Variants in COQ2 observed in about 807,000 individuals in gnomAD.
The protein encoded by COQ2 is coenzyme Q2, polyprenyltransferase.
Under a neutral mutation model 35.7 loss-of-function variants are expected in COQ2, and 25 were observed. That is an observed-to-expected ratio of 0.70 (90% confidence interval 0.51 to 0.98). COQ2 has a LOEUF of 0.98. COQ2 is among the 50% of genes least tolerant of loss of function. The pLI, the probability that COQ2 is intolerant of heterozygous loss-of-function variation, is 0.00. For missense variants in COQ2, 488 were observed against 473.5 expected, an observed-to-expected ratio of 1.03 and a Z score of -0.28; for synonymous variants, 206 against 186.2, an observed-to-expected ratio of 1.11 and a Z score of -0.86.
chr4:83,272,173 C>T lies in COQ2; in HGVS notation c.543-1G>A, dbSNP rs1440439792. The T allele has an allele frequency of 1.2e-6, 2 of 1,600,930 alleles. No homozygotes were observed. Among genetic ancestry groups the T allele is most frequent in the South Asian group, 2.3e-5 (2 of 88,770 alleles). On this transcript the variant is annotated splice_acceptor_variant, in intron 3 of 6. Transcript: ENST00000647002. LOFTEE classifies it high-confidence loss of function. ...TAAGGATCCTGCTCCCAGAGCTATA[C>T]TGAAAAGAGGAAAAACCATTAAAGT...
chr4:83,279,828 A>C (rs1430074206), intron 1 of COQ2, among the ~76,000 whole-genome samples: 1 of 147,388 alleles, frequency 6.8e-6, no homozygotes, highest in Non-Finnish European at 1.5e-5. Flanking sequence ...TTCCTTTACC[A>C]TTGTTAGTAC....
intron 5 of COQ2, among the ~76,000 whole-genome samples, 187 bp downstream of exon 5, chr4:83,269,673 A>AT (rs1296065265): frequency 1.3e-5 from 2 of 152,214 alleles, no homozygotes; most frequent in Non-Finnish European, 2.9e-5. Flanking sequence ...CATAAAAAAA[A>AT]TTTTGTTGGA....
intron 2 of COQ2, 104 bp downstream of exon 2, chr4:83,278,844 C>A: frequency 8.1e-7 from 1 of 1,227,480 alleles, no homozygotes; most frequent in South Asian, 2.1e-5. Flanking sequence ...TTTCTGTGGT[C>A]ACTGAATGAT....
chr4:83,284,615 C>G lies in COQ2; in HGVS notation c.150G>C (p.Glu50Asp), dbSNP rs769650545. 1.3e-6 allele frequency: 2 copies of G among 1,529,442 alleles called. No homozygotes were observed. Among genetic ancestry groups the G allele is most frequent in the South Asian group, 2.4e-5 (2 of 82,318 alleles). The allele number at this position is 1,529,442 out of a possible 1,614,324, so 94.7% of individuals were successfully genotyped here. The change falls in exon 1 of 7, where the codon GAG becomes GAC. Residue 50 changes from glutamate (E) to aspartate (D), a missense_variant. Transcript: ENST00000647002. ...ACAAACTGAGCTGGCGCCCGCGCGG[C>G]TCGGGACAGGCGGGGGGCTGCAAGT... ...GGDLQPPACP[E>D]PRGRQLSLSA... is the part of the protein sequence containing the mutation.
chr4:83,277,598 T>C (rs978113842), intron 2 of COQ2, among the ~76,000 whole-genome samples: 2 of 152,234 alleles, frequency 1.3e-5, no homozygotes, highest in East Asian at 1.9e-4. Context: ...AGGAATGTTG[T>C]ATTTCATCGA....
At chr4:83,275,642 A>C (rs376151194) in intron 2 of COQ2, among the ~76,000 whole-genome samples, 16 of 152,154 alleles carry the variant, frequency 1.1e-4, no homozygotes, top group East Asian at 5.8e-4. Flanking sequence ...AGTGGAAAGA[A>C]TAGGGAAAAT....
Position 83,272,184 on chromosome 4 carries a change from A to G in COQ2, c.543-12T>C, listed in dbSNP as rs1306821548. ...CTCCCAGAGCTATACTGAAAAGAGGAAAAACCATTAAAGTGATTATTACCA... is the reference window on the plus strand; with the variant it reads ...CTCCCAGAGCTATACTGAAAAGAGGGAAAACCATTAAAGTGATTATTACCA... On this transcript the variant is annotated splice_polypyrimidine_tract_variant and intron_variant, in intron 3 of 6. Transcript: ENST00000647002. 5 of 1,571,136 alleles carry G rather than the reference A, an allele frequency of 3.2e-6. No individual in the cohort carries two copies. In the Admixed American group the frequency reaches 6.9e-5, roughly 22 times the overall value.
At chr4:83,283,774 A>G (rs1458782707) in intron 1 of COQ2, 3 of 985,472 alleles carry the variant, frequency 3.0e-6, no homozygotes, top group Non-Finnish European at 3.6e-6. Context: ...CAACAAGCGC[A>G]TAAGGTTAGT....
At chr4:83,270,095 G>A (rs1735011868) in intron 4 of COQ2, 102 bp from the exon 5 acceptor site, 8 of 1,241,360 alleles carry the variant, frequency 6.4e-6, no homozygotes, top group South Asian at 4.2e-5. Context: ...CTGGGTATCA[G>A]ACTCTGTGTG....
rs1287400925 is a variant in COQ2 at position 83,271,818 on chromosome 4, A to AGAG, written c.628+266_628+268dup. ...ACAGATCAAGACCCTGTCTCAGAGA[A>AGAG]GAGGGGAGAGGAGAGTGTAGGGGAG... On this transcript the variant is annotated intron_variant, in intron 4 of 6. Transcript: ENST00000647002. Among the ~76,000 whole-genome samples the AGAG allele has an allele frequency of 3.3e-5, 5 of 152,232 alleles. No homozygotes were observed. The East Asian group carries it at 9.6e-4, about 29-fold the overall frequency.
chr4:83,274,076 A>G (rs1049201747), intron 2 of COQ2, among the ~76,000 whole-genome samples: 2 of 150,948 alleles, frequency 1.3e-5, no homozygotes, highest in African/African-American at 4.9e-5. Context: ...GGATTGCTTG[A>G]GCCTAGGAGG....
At position 83,283,636 on chromosome 4, in the gene COQ2, T is replaced by C. The variant is rs147609342; in HGVS notation, c.253+876A>G. On this transcript the variant is annotated intron_variant, in intron 1 of 6. Transcript: ENST00000647002. ...ATCCATATTTTCCTAGCTCACCAAA[T>C]AGTCTTTTTCAACTAGACCAGAGTT... The C allele has an allele frequency of 5.6e-5, 55 of 985,432 alleles. No homozygotes were observed. In the East Asian group the frequency reaches 4.4e-3, roughly 79 times the overall value. The allele number at this position is 985,432 out of a possible 1,614,324, so 61.0% of individuals were successfully genotyped here.
At chr4:83,275,051 C>T (rs1735135065) in intron 2 of COQ2, among the ~76,000 whole-genome samples, 3 of 152,104 alleles carry the variant, frequency 2.0e-5, no homozygotes, top group Non-Finnish European at 4.4e-5. Context: ...TGGTATTTTT[C>T]ATTTGTTTCA....
chr4:83,272,666 A>T (rs1735076239), intron 3 of COQ2, among the ~76,000 whole-genome samples: 1 of 152,242 alleles, frequency 6.6e-6, no homozygotes, highest in Non-Finnish European at 1.5e-5. Context: ...ACCAAATGTT[A>T]CTGCCTCTCT....
At chr4:83,273,738 TTAAGTA>T in intron 2 of COQ2, 121 bp from the exon 3 acceptor site, 1 of 933,790 alleles carries the variant, frequency 1.1e-6, no homozygotes, top group Non-Finnish European at 1.6e-6. Flanking sequence ...AATCAACATT[TTAAGTA>T]CTGTCAGAAA....
intron 2 of COQ2, among the ~76,000 whole-genome samples, chr4:83,278,601 T>C (rs1369508059): frequency 6.6e-6 from 1 of 152,242 alleles, no homozygotes; most frequent in East Asian, 1.9e-4. Flanking sequence ...AAAATACATC[T>C]TAAAGGAAGG....
At chr4:83,265,807 G>A (rs1309548768) in intron 6 of COQ2, among the ~76,000 whole-genome samples, 2 of 151,922 alleles carry the variant, frequency 1.3e-5, no homozygotes, top group African/African-American at 4.8e-5. Context: ...TGGAATTACA[G>A]GTGCACACCA....
chr4:83,267,516 C>T (rs550317566), intron 6 of COQ2, 70 bp downstream of exon 6: 22 of 1,363,916 alleles, frequency 1.6e-5, no homozygotes, highest in South Asian at 2.8e-5. Flanking sequence ...ACACAGAGGG[C>T]ATACTGTTTA....
intron 4 of COQ2, among the ~76,000 whole-genome samples, chr4:83,271,130 G>T (rs1445809459): frequency 6.6e-6 from 1 of 152,062 alleles, no homozygotes; most frequent in East Asian, 1.9e-4. Context: ...AGATATTTTT[G>T]CAGCAGATTC....
Sources: gnomAD v4.1 joint callset for allele counts (sites outside exome capture counted in the v4.1 genomes callset) on GRCh38, gnomAD v4.1.1 for gene constraint, MANE v1.5 for transcripts, NCBI Gene and HGNC (gene_info 2026-07-23, HGNC 2026-07-21) for gene names.